The following GLRA1 variants were observed in gnomAD, a reference collection of about 807,000 sequenced individuals.
GLRA1 encodes glycine receptor subunit alpha-1.
A neutral mutation model predicts 48.3 loss-of-function variants in GLRA1; 37 were observed. The observed-to-expected ratio is 0.77, with a 90% CI of 0.59 to 1.01. GLRA1 has a LOEUF of 1.01. Ranked by LOEUF, GLRA1 falls within the 50% of genes least tolerant of loss-of-function variation. The pLI, the probability that GLRA1 is intolerant of heterozygous loss-of-function variation, is 0.00. For missense variants in GLRA1, 427 were observed against 571.0 expected (o/e 0.75, Z 2.57); for synonymous variants, 196 against 210.7 (o/e 0.93, Z 0.60).
At chr5:151,830,338 A>C (rs1763392705) in intron 7 of GLRA1, among the ~76,000 whole-genome samples, 1 of 152,238 alleles carries the variant, frequency 6.6e-6, no homozygotes, top group Non-Finnish European at 1.5e-5. Context: ...AAAAGCAATC[A>C]ATAGTAATTG....
At chr5:151,919,692 C>A (rs1360552649) in intron 1 of GLRA1, among the ~76,000 whole-genome samples, 1 of 152,272 alleles carries the variant, frequency 6.6e-6, no homozygotes, top group African/African-American at 2.4e-5. Flanking sequence ...TTGGCCAAAT[C>A]TCTTCATTTT....
intron 8 of GLRA1, among the ~76,000 whole-genome samples, chr5:151,823,886 T>C (rs995119195): frequency 1.3e-5 from 2 of 152,088 alleles, no homozygotes; most frequent in East Asian, 3.9e-4. Context: ...GGAGGCACTA[T>C]TGTCTGCTCT....
At chr5:151,922,765 C>G (rs1443430824) in intron 1 of GLRA1, among the ~76,000 whole-genome samples, 1 of 152,178 alleles carries the variant, frequency 6.6e-6, no homozygotes, top group African/African-American at 2.4e-5. Flanking sequence ...AAGACAATGT[C>G]TGGAGAGGAA....
At chr5:151,823,721 C>G (rs1417027451) in intron 8 of GLRA1, among the ~76,000 whole-genome samples, 1 of 152,208 alleles carries the variant, frequency 6.6e-6, no homozygotes, top group Non-Finnish European at 1.5e-5. Context: ...TTCCTTCTCC[C>G]CCACCAGATA....
intron 1 of GLRA1, among the ~76,000 whole-genome samples, chr5:151,915,603 CAT>C (rs1754718867): frequency 6.6e-6 from 1 of 151,854 alleles, no homozygotes; most frequent in South Asian, 2.1e-4. Flanking sequence ...CTTCCCAAGA[CAT>C]GTTAATATGT....
chr5:151,853,349 G>T, intron 6 of GLRA1, among the ~76,000 whole-genome samples: 1 of 151,882 alleles, frequency 6.6e-6, no homozygotes, highest in Non-Finnish European at 1.5e-5. Context: ...TGGGTTCAAG[G>T]GATCTCCTGT....
intron 3 of GLRA1, among the ~76,000 whole-genome samples, chr5:151,869,756 A>C (rs965720813): frequency 6.7e-6 from 1 of 149,622 alleles, no homozygotes; most frequent in Admixed American, 6.6e-5. Flanking sequence ...ACAACAACAA[A>C]AAAAACCTTT....
At chr5:151,850,277 G>C in intron 7 of GLRA1, 1 of 1,604,772 alleles carries the variant, frequency 6.2e-7, no homozygotes, top group Non-Finnish European at 8.5e-7. Context: ...TGCCTGCCCA[G>C]TGGGAATTTC....
At chr5:151,825,379 T>C (rs959677951) in intron 8 of GLRA1, among the ~76,000 whole-genome samples, 4 of 152,224 alleles carry the variant, frequency 2.6e-5, no homozygotes, top group Non-Finnish European at 5.9e-5. Context: ...TATGCTGCTT[T>C]GGGTGAATTA....
intron 3 of GLRA1, among the ~76,000 whole-genome samples, chr5:151,882,339 CT>C (rs1451208731): frequency 1.3e-5 from 2 of 152,186 alleles, no homozygotes; most frequent in African/African-American, 4.8e-5. Flanking sequence ...AACTTTCCCA[CT>C]TTATGGGGGT....
At chr5:151,834,280 A>G (rs1416044918) in intron 7 of GLRA1, among the ~76,000 whole-genome samples, 1 of 152,254 alleles carries the variant, frequency 6.6e-6, no homozygotes, top group Non-Finnish European at 1.5e-5. Flanking sequence ...ACAGTCTCTC[A>G]GACCACAGCA....
At chr5:151,882,940 T>C (rs866341112) in intron 3 of GLRA1, among the ~76,000 whole-genome samples, 1 of 152,166 alleles carries the variant, frequency 6.6e-6, no homozygotes, top group East Asian at 1.9e-4. Context: ...ATAATGTTGA[T>C]GAGAAATAAA....
chr5:151,829,161 CCACAT>C, intron 7 of GLRA1, 94 bp from the exon 8 acceptor site: 1 of 1,163,784 alleles, frequency 8.6e-7, no homozygotes, highest in East Asian at 2.4e-5. Flanking sequence ...CGGTAATTCC[CCACAT>C]CACCCACTGC....
chr5:151,878,478 G>A (rs1229985081), intron 3 of GLRA1, among the ~76,000 whole-genome samples: 1 of 152,186 alleles, frequency 6.6e-6, no homozygotes, highest in Non-Finnish European at 1.5e-5. Flanking sequence ...GTAATGAGGA[G>A]CCAAATGTTA....
At chr5:151,909,009 G>T (rs1319571380) in intron 1 of GLRA1, among the ~76,000 whole-genome samples, 1 of 152,196 alleles carries the variant, frequency 6.6e-6, no homozygotes, top group African/African-American at 2.4e-5. Context: ...ACAAACTGGA[G>T]ATGATCATAG....
At chr5:151,856,623 A>G (rs564660076) in intron 4 of GLRA1, among the ~76,000 whole-genome samples, 1 of 152,202 alleles carries the variant, frequency 6.6e-6, no homozygotes, top group East Asian at 1.9e-4. Flanking sequence ...GGCTCAAGCA[A>G]TTCTCCTGCC....
intron 1 of GLRA1, among the ~76,000 whole-genome samples, chr5:151,913,909 A>C (rs1294221417): frequency 6.6e-6 from 1 of 152,232 alleles, no homozygotes; most frequent in Non-Finnish European, 1.5e-5. Flanking sequence ...GGAAGCACTC[A>C]TGTTTTTGTT....
At chr5:151,866,444 G>A (rs1253997889) in intron 3 of GLRA1, among the ~76,000 whole-genome samples, 1 of 152,120 alleles carries the variant, frequency 6.6e-6, no homozygotes, top group Non-Finnish European at 1.5e-5. Flanking sequence ...GATGAAGTAG[G>A]AAGCATGAAG....
intron 3 of GLRA1, among the ~76,000 whole-genome samples, chr5:151,870,661 A>G (rs1313945499): frequency 6.7e-6 from 1 of 149,678 alleles, no homozygotes; most frequent in Non-Finnish European, 1.5e-5. Context: ...GGAATTTGGC[A>G]ATTGGTAATC....
Sources: gnomAD v4.1 joint callset for allele counts (sites outside exome capture counted in the v4.1 genomes callset) on GRCh38, gnomAD v4.1.1 for gene constraint, MANE v1.5 for transcripts, NCBI Gene and HGNC (gene_info 2026-07-23, HGNC 2026-07-21) for gene names.